WASF2: variants seen among roughly 807,000 people sequenced by gnomAD.
The protein encoded by WASF2 is WASP family member 2.
WASF2 carries 14 observed loss-of-function variants against 45.0 expected under a neutral mutation model. The ratio of observed to expected loss-of-function variants is 0.31; its 90% CI spans 0.21 to 0.49. The LOEUF (loss-of-function observed/expected upper bound fraction) is 0.49. Among genes scored for constraint, WASF2 ranks in the 20% least tolerant of loss-of-function variants. The pLI, the probability that WASF2 is intolerant of heterozygous loss-of-function variation, is 0.99. For synonymous variants in WASF2, 200 were observed against 236.3 expected, an observed-to-expected ratio of 0.85 and a Z score of 1.41; for missense variants, 439 against 636.1, an observed-to-expected ratio of 0.69 and a Z score of 3.33.
chr1:27,463,804 A>AT lies in WASF2; in HGVS notation c.-44+26181dup, dbSNP rs1553151290. ...ATGCCTCCTTTATATTATTATTATT[A>AT]TTTTTTTTTTTTTTTGAGACAGAGT... On this transcript the variant is annotated intron_variant, in intron 1 of 8. Transcript: ENST00000618852. Among the ~76,000 whole-genome samples the AT allele has an allele frequency of 2.9e-3, 395 of 137,196 alleles. 3 individuals carry two copies. The highest frequency in any genetic ancestry group is 6.9e-3 in the African/African-American group (258 of 37,346). 90.0% of individuals were successfully genotyped at this position (137,196 alleles called of 152,430 possible).
chr1:27,477,681 C>T lies in WASF2; in HGVS notation c.-44+12305G>A, dbSNP rs948477123. 4.6e-4 allele frequency among the ~76,000 whole-genome samples: 48 copies of T among 104,936 alleles called. 6 individuals are homozygous for T. Among genetic ancestry groups the T allele is most frequent in the Non-Finnish European group, 8.2e-4 (46 of 55,914 alleles). The allele number at this position is 104,936 out of a possible 152,430, so 68.8% of individuals were successfully genotyped here. A position where few individuals can be genotyped will look rare whatever the true frequency, so the allele number is the denominator to read the frequency against. ...TTGGGAGGCCGAGGCGGGCGGATCA[C>T]GAGGTCAGGAGATCGAGACCATCCC... is the stretch of plus-strand genomic sequence containing the variant. On this transcript the variant is annotated intron_variant, in intron 1 of 8. Coordinates refer to ENST00000618852, the MANE Select transcript of WASF2 (RefSeq NM_006990.5).
At chr1:27,472,674 AG>A (rs745895106) in intron 1 of WASF2, among the ~76,000 whole-genome samples, 9,628 of 116,852 alleles carry the variant, frequency 0.082, 811 homozygotes, top group African/African-American at 0.21. Context: ...AAAAAAAAAA[AG>A]GGGAAATCAG....
chr1:27,426,593 C>A (rs1366070045), intron 2 of WASF2, among the ~76,000 whole-genome samples: 1 of 152,008 alleles, frequency 6.6e-6, no homozygotes, highest in Non-Finnish European at 1.5e-5. Context: ...TTACTACAAC[C>A]TCCGCCTCCC....
intron 1 of WASF2, among the ~76,000 whole-genome samples, chr1:27,454,091 A>C (rs1180390952): frequency 6.8e-6 from 1 of 146,822 alleles, no homozygotes; most frequent in Non-Finnish European, 1.5e-5. Flanking sequence ...TATGACTCTA[A>C]TATATATACA....
At chr1:27,433,075 A>C (rs2017088039) in intron 1 of WASF2, among the ~76,000 whole-genome samples, 1 of 152,180 alleles carries the variant, frequency 6.6e-6, no homozygotes, top group Non-Finnish European at 1.5e-5. Flanking sequence ...CTCATTGATA[A>C]ATATTTAAAA....
intron 1 of WASF2, among the ~76,000 whole-genome samples, chr1:27,477,259 G>A (rs1423974911): frequency 6.6e-6 from 1 of 152,182 alleles, no homozygotes; most frequent in Non-Finnish European, 1.5e-5. Context: ...TCTTTTTAAG[G>A]CCAGGCGCGG....
chr1:27,476,407 A>G (rs1258276269), intron 1 of WASF2, among the ~76,000 whole-genome samples: 1 of 152,196 alleles, frequency 6.6e-6, no homozygotes, highest in East Asian at 1.9e-4. Context: ...TCAGAGCGAG[A>G]GCTCACTTAT....
At position 27,416,112 on chromosome 1, in the gene WASF2, A is replaced by C. The variant is rs2016823286; in HGVS notation, c.420-10T>G. The C allele has an allele frequency of 6.2e-7, 1 of 1,610,716 alleles. No homozygotes were observed. Among genetic ancestry groups the C allele is most frequent in the South Asian group, 1.1e-5 (1 of 91,012 alleles). ...CTCTTTTCCATCGTCCCTGGGATAG[A>C]AATGAAGACAAGTAGCTGTCAGTAG... is the stretch of plus-strand genomic sequence containing the variant. On this transcript the variant is annotated splice_polypyrimidine_tract_variant and intron_variant, in intron 4 of 8. Coordinates refer to ENST00000618852, the MANE Select transcript of WASF2 (RefSeq NM_006990.5).
Position 27,409,933 on chromosome 1 carries a change from A to C in WASF2, c.1098T>G (p.Pro366=). The change falls in exon 8 of 9, where the codon CCT becomes CCG. Residue 366 remains proline (P), a synonymous_variant. Coordinates refer to ENST00000618852, the MANE Select transcript of WASF2 (RefSeq NM_006990.5). Reference sequence around the variant, plus strand: ...AGTCAGCTGCTGGTGGTGGAGGAGGAGGTGGAGGGGCAGCAAAATCAGGGT... The same window carrying C: ...AGTCAGCTGCTGGTGGTGGAGGAGGCGGTGGAGGGGCAGCAAAATCAGGGT... ...PPHPDFAAPP[P]PPPPPAADYP... The C allele has an allele frequency of 6.2e-7, 1 of 1,600,414 alleles. No individual in the cohort carries two copies. Among genetic ancestry groups the C allele is most frequent in the Non-Finnish European group, 8.5e-7 (1 of 1,173,040 alleles).
chr1:27,460,659 A>G (rs989706827), intron 1 of WASF2, among the ~76,000 whole-genome samples: 1 of 152,186 alleles, frequency 6.6e-6, no homozygotes, highest in Non-Finnish European at 1.5e-5. Flanking sequence ...CAGAGCTATT[A>G]ACATAGCCCC....
intron 1 of WASF2, among the ~76,000 whole-genome samples, chr1:27,465,596 A>G (rs1218863636): frequency 6.6e-6 from 1 of 152,220 alleles, no homozygotes; most frequent in Non-Finnish European, 1.5e-5. Flanking sequence ...CCCCTACAGT[A>G]TAAGCTAAAA....
At chr1:27,483,963 TAATAAC>T (rs1407683407) in intron 1 of WASF2, among the ~76,000 whole-genome samples, 1 of 152,028 alleles carries the variant, frequency 6.6e-6, no homozygotes, top group Middle Eastern at 3.2e-3. Flanking sequence ...CTGTCTCAAA[TAATAAC>T]AATAATTTTT....
At position 27,424,567 on chromosome 1, in the gene WASF2, G is replaced by C. The variant is rs1269313385; in HGVS notation, c.130+4194C>G. Among the ~76,000 whole-genome samples, 4 of 151,500 alleles carry C rather than the reference G, an allele frequency of 2.6e-5. No homozygotes were observed. The East Asian group carries it at 7.7e-4, about 29-fold the overall frequency. On this transcript the variant is annotated intron_variant, in intron 2 of 8. Coordinates refer to ENST00000618852, the MANE Select transcript of WASF2 (RefSeq NM_006990.5). ...TGGTTGCCCAGGCTGGAGTGCAGCA[G>C]TGCTATCTCAGCTCACTGCAGCCTT... is the stretch of plus-strand genomic sequence containing the variant.
At chr1:27,420,281 C>G (rs1434353238) in intron 2 of WASF2, among the ~76,000 whole-genome samples, 1 of 152,118 alleles carries the variant, frequency 6.6e-6, no homozygotes, top group African/African-American at 2.4e-5. Context: ...AAGTGAAAAG[C>G]TGAAACTTTC....
intron 1 of WASF2, among the ~76,000 whole-genome samples, chr1:27,451,503 G>A (rs527706315): frequency 2.6e-5 from 4 of 152,200 alleles, no homozygotes; most frequent in Non-Finnish European, 4.4e-5. Context: ...CTTGTATGCC[G>A]GGCTACAGCA....
In WASF2 at chr1:27,408,274, G is replaced by GTGGCCACGTCAT. The variant is rs1179658651; in HGVS notation, c.1400_1411dup (p.Asn467_Ala470dup). The GTGGCCACGTCAT allele has an allele frequency of 6.2e-7, 1 of 1,614,072 alleles. No individual in the cohort carries two copies. Among genetic ancestry groups the GTGGCCACGTCAT allele is most frequent in the African/African-American group, 1.3e-5 (1 of 74,918 alleles). On this transcript the variant is annotated inframe_insertion, in exon 9 of 9. Coordinates refer to ENST00000618852, the MANE Select transcript of WASF2 (RefSeq NM_006990.5). ...AACAGCAATGCGACGAGACAAGATG[G>GTGGCCACGTCAT]TGGCCACGTCATTGCCCACAACATC...
chr1:27,459,080 C>G (rs1203669291), intron 1 of WASF2, among the ~76,000 whole-genome samples: 4 of 150,916 alleles, frequency 2.7e-5, no homozygotes, highest in Non-Finnish European at 5.9e-5. Context: ...GAGCCGAGAT[C>G]ACACCATTGC....
Position 27,477,915 on chromosome 1 carries a change from TAAATAAAAAAAA to T in WASF2, c.-44+12059_-44+12070del, listed in dbSNP as rs1448080150. ...CTCCGTCTCAAAAAAAAAAAATAAATAAATAAAAAAAAAAATAAAAATAAATAAATCTAGGAT... is the reference window on the plus strand; with the variant it reads ...CTCCGTCTCAAAAAAAAAAAATAAATAAATAAAAATAAATAAATCTAGGAT... On this transcript the variant is annotated intron_variant, in intron 1 of 8. Transcript: ENST00000618852. Among the ~76,000 whole-genome samples the T allele has an allele frequency of 4.4e-3, 373 of 85,042 alleles. 60 individuals carry two copies. Among genetic ancestry groups the T allele is most frequent in the African/African-American group, 0.031 (365 of 11,722 alleles). 55.8% of individuals were successfully genotyped at this position (85,042 alleles called of 152,430 possible).
intron 2 of WASF2, 42 bp from the exon 3 acceptor site, chr1:27,419,130 A>G: frequency 6.2e-7 from 1 of 1,605,612 alleles, no homozygotes; most frequent in South Asian, 1.1e-5. Flanking sequence ...GCATAGAAGT[A>G]ACGTAAATGG....
Sources: gnomAD v4.1 joint callset for allele counts (sites outside exome capture counted in the v4.1 genomes callset) on GRCh38, gnomAD v4.1.1 for gene constraint, MANE v1.5 for transcripts, NCBI Gene and HGNC (gene_info 2026-07-23, HGNC 2026-07-21) for gene names.